MMP12: variants seen among roughly 807,000 people sequenced by gnomAD.
MMP12 encodes matrix metallopeptidase 12.
In MMP12, 51 loss-of-function variants were observed where a neutral mutation model predicts 45.2. The observed-to-expected ratio is 1.13, with a 90% CI of 0.90 to 1.42. The LOEUF is 1.42. MMP12 is among the 40% of genes most tolerant of loss of function. The probability of loss-of-function intolerance (pLI) is 0.00; values close to 1 mark genes in which losing one functional copy is unlikely to be tolerated. For missense variants in MMP12, 530 were observed against 570.8 expected (o/e 0.93, Z 0.73); for synonymous variants, 210 against 193.3 (o/e 1.09, Z -0.72).
chr11:102,868,367 C>T (rs1312510802), intron 4 of MMP12, among the ~76,000 whole-genome samples: 1 of 152,060 alleles, frequency 6.6e-6, no homozygotes, highest in Non-Finnish European at 1.5e-5. Flanking sequence ...TCCTTGGGGA[C>T]AAAATTGCCT....
At chr11:102,874,743 A>G (rs1292475575) in intron 1 of MMP12, 93 bp downstream of exon 1, 15 of 471,792 alleles carry the variant, frequency 3.2e-5, no homozygotes, top group South Asian at 9.3e-5. Flanking sequence ...GTAAAAGCAA[A>G]CAAACAAACA....
At chr11:102,872,362 AT>A (rs1650830002) in intron 2 of MMP12, among the ~76,000 whole-genome samples, 1 of 150,462 alleles carries the variant, frequency 6.6e-6, no homozygotes, top group African/African-American at 2.5e-5. Context: ...TTTTTTTGAG[AT>A]GGAGTCTCAC....
At chr11:102,869,815 A>G (rs1356012117) in intron 4 of MMP12, among the ~76,000 whole-genome samples, 1 of 151,856 alleles carries the variant, frequency 6.6e-6, no homozygotes, top group Non-Finnish European at 1.5e-5. Context: ...GTTAGTCAGG[A>G]GGCTGAAGTA....
chr11:102,873,863 T>C (rs1859546118), intron 1 of MMP12, among the ~76,000 whole-genome samples: 1 of 151,150 alleles, frequency 6.6e-6, no homozygotes. Flanking sequence ...ACCCTGTCTC[T>C]ACTAAAAATA....
rs1375845104 is a variant in MMP12 at position 102,863,150 on chromosome 11, GTAGGAA to G, written c.1357_1362del (p.Phe453_Leu454del). The G allele has an allele frequency of 6.2e-7, 1 of 1,611,732 alleles. No individual in the cohort carries two copies. Among genetic ancestry groups the G allele is most frequent in the Non-Finnish European group, 8.5e-7 (1 of 1,178,824 alleles). ...TTCAGTGTTTTGGTGATACGTTGGA[GTAGGAA>G]GTCATATTCAAATTGGTTAGATCCT... is the stretch of plus-strand genomic sequence containing the variant. On this transcript the variant is annotated inframe_deletion, in exon 10 of 10. Coordinates refer to ENST00000571244, the MANE Select transcript of MMP12 (RefSeq NM_002426.6).
rs2134424591 is a variant in MMP12 at position 102,872,961 on chromosome 11, T to G, written c.254A>C (p.Glu85Ala). 1 of 1,613,738 alleles carries G rather than the reference T, an allele frequency of 6.2e-7. No individual in the cohort carries two copies. The highest frequency in any genetic ancestry group is 8.5e-7 in the Non-Finnish European group (1 of 1,179,792). Residue 85 changes from glutamate (E) to alanine (A), a missense_variant, in exon 2 of 10, where the codon GAG becomes GCG. Coordinates refer to ENST00000571244, the MANE Select transcript of MMP12 (RefSeq NM_002426.6). ...TCCACATCGAGGTGCGTGCATCATCTCCAGGGTAGATGTGTCCAGTTGCCC... is the reference window on the plus strand; with the variant it reads ...TCCACATCGAGGTGCGTGCATCATCGCCAGGGTAGATGTGTCCAGTTGCCC... ...VTGQLDTSTL[E>A]MMHAPRCGVP...
chr11:102,874,050 A>C (rs537254361), intron 1 of MMP12, among the ~76,000 whole-genome samples: 48 of 151,910 alleles, frequency 3.2e-4, no homozygotes, highest in Non-Finnish European at 5.6e-4. Context: ...AAAAAAGAAA[A>C]AGAAAAGAAA....
At position 102,871,663 on chromosome 11, in the gene MMP12, C is replaced by A. The variant is rs1555009357; in HGVS notation, c.556G>T (p.Gly186Ter). The A allele has an allele frequency of 6.3e-7, 1 of 1,595,266 alleles. No individual in the cohort carries two copies. Among genetic ancestry groups the A allele is most frequent in the South Asian group, 1.1e-5 (1 of 87,874 alleles). Residue 186 changes from glycine to a stop codon, truncating the protein, a stop_gained, in exon 4 of 10, where the codon GGA becomes TGA. Transcript: ENST00000571244. LOFTEE classifies it high-confidence loss of function. The part of the protein sequence containing the change: ...GKGGILAHAF[G>*]PGSGIGGDAH... ...TCCCCTCCAATGCCAGATCCAGGTC[C>A]AAAAGCATGGGCTAGGATTCCACCT...
rs200322802 is a variant in MMP12 at position 102,867,866 on chromosome 11, C to T, written c.787+42G>A. On this transcript the variant is annotated intron_variant, in intron 5 of 9. Transcript: ENST00000571244. ...GATATTGTTAGACTATTCATAAAAG[C>T]GAGTATCTTTATATGGCAAAATGAT... 65 of 1,556,930 alleles carry T rather than the reference C, an allele frequency of 4.2e-5. No homozygotes were observed. The African/African-American group carries it at 4.5e-4, about 11-fold the overall frequency.
intron 5 of MMP12, 127 bp from the exon 6 acceptor site, chr11:102,867,520 T>C (rs1341102997): frequency 2.0e-6 from 2 of 988,168 alleles, no homozygotes; most frequent in Non-Finnish European, 2.9e-6. Context: ...AAGCTTTCTA[T>C]AACATTCACA....
Position 102,874,938 on chromosome 11 carries a change from TGTA to T in MMP12, c.-4_-2del. ...GGAGCAGTATTAGAAGAAACTTCAT[TGTA>T]AACTTCTAAACGGATCAATTCAGTT... On this transcript the variant is annotated 5_prime_UTR_variant, in exon 1 of 10. Transcript: ENST00000571244. 3 of 1,572,672 alleles carry T rather than the reference TGTA, an allele frequency of 1.9e-6. No individual in the cohort carries two copies. The East Asian group carries it at 6.8e-5, about 36-fold the overall frequency.
In MMP12 at chr11:102,871,806, C is replaced by T. The variant is rs782356447; in HGVS notation, c.497G>A (p.Gly166Glu). Residue 166 changes from glycine (G) to glutamate (E), a missense_variant and splice_region_variant, in exon 3 of 10, where the codon GGA (glycine) becomes GAA (glutamate). Coordinates refer to ENST00000571244, the MANE Select transcript of MMP12 (RefSeq NM_002426.6). ...MADILVVFAR[G>E]AHGDFHAFDG... Reference sequence around the variant, plus strand: ...AAGATGAAATACAAGTTCCCTACCTCCACGGGCAAAAACCACCAAAATGTC... The same window carrying T: ...AAGATGAAATACAAGTTCCCTACCTTCACGGGCAAAAACCACCAAAATGTC... The T allele has an allele frequency of 6.2e-7, 1 of 1,613,142 alleles. No individual in the cohort carries two copies. The highest frequency in any genetic ancestry group is 8.5e-7 in the Non-Finnish European group (1 of 1,179,510).
At chr11:102,870,609 A>G (rs1170631479) in intron 4 of MMP12, among the ~76,000 whole-genome samples, 2 of 152,184 alleles carry the variant, frequency 1.3e-5, no homozygotes, top group Non-Finnish European at 2.9e-5. Context: ...TTCTGTCATG[A>G]TGGTTAGGGT....
In MMP12 at chr11:102,865,960, A is replaced by C. The variant is rs1555008473; in HGVS notation, c.1046-25T>G. On this transcript the variant is annotated intron_variant, in intron 7 of 9. Transcript: ENST00000571244. This position sits in a 1 kb window ranked among gnomAD's most constrained non-coding sequence, Gnocchi z 4.1. ...TCTGTGAAGACAAAGAAATAGGGTA[A>C]ATTTGAATTATACAGGAAGAGTAAT... The C allele has an allele frequency of 6.4e-7, 1 of 1,555,706 alleles. No homozygotes were observed. The highest frequency in any genetic ancestry group is 1.4e-5 in the African/African-American group (1 of 73,022).
intron 9 of MMP12, 67 bp from the exon 10 acceptor site, chr11:102,863,267 C>CA: frequency 1.1e-6 from 1 of 908,152 alleles, no homozygotes; most frequent in Non-Finnish European, 1.8e-6. Context: ...ACAACAACAA[C>CA]ACAAATCTCT....
intron 4 of MMP12, among the ~76,000 whole-genome samples, chr11:102,870,831 G>A (rs944205079): frequency 6.6e-5 from 10 of 152,182 alleles, no homozygotes; most frequent in Non-Finnish European, 1.3e-4. Flanking sequence ...TAGATTCTCT[G>A]TAACTTTTTC....
At chr11:102,866,066 G>C in intron 7 of MMP12, 131 bp from the exon 8 acceptor site, 1 of 878,124 alleles carries the variant, frequency 1.1e-6, no homozygotes, top group Non-Finnish European at 1.7e-6. Flanking sequence ...CTTAAACATA[G>C]TCTCTTTTCT....
At position 102,866,211 on chromosome 11, in the gene MMP12, A is replaced by G. The variant is rs74556363; in HGVS notation, c.1045+104T>C. 1.6e-3 allele frequency: 1,835 copies of G among 1,182,180 alleles called. 28 individuals carry two copies. The African/African-American group carries it at 0.025, about 16-fold the overall frequency. The allele number at this position is 1,182,180 out of a possible 1,614,324, so 73.2% of individuals were successfully genotyped here. The stretch of plus-strand genomic sequence containing the variant: ...AGAGCGAGCCACTATTAATAAAATC[A>G]AGAGTGCTTTCTTGGTCTATATCTA... On this transcript the variant is annotated intron_variant, in intron 7 of 9. Coordinates refer to ENST00000571244, the MANE Select transcript of MMP12 (RefSeq NM_002426.6).
In MMP12 at chr11:102,864,116, A is replaced by G. The variant is rs200324342; in HGVS notation, c.1312+30T>C. 4 of 1,422,188 alleles carry G rather than the reference A, an allele frequency of 2.8e-6. No individual in the cohort carries two copies. In the South Asian group the frequency reaches 4.6e-5, roughly 16 times the overall value. 88.1% of individuals were successfully genotyped at this position (1,422,188 alleles called of 1,614,324 possible). A position where few individuals can be genotyped will look rare whatever the true frequency, so the allele number is the denominator to read the frequency against. On this transcript the variant is annotated intron_variant, in intron 9 of 9. Coordinates refer to ENST00000571244, the MANE Select transcript of MMP12 (RefSeq NM_002426.6). ...TTTATAGCTTTGAAATGTTATTTCCAGTATCTTCATGGTTTCCTCATCTAC... is the reference window on the plus strand; with the variant it reads ...TTTATAGCTTTGAAATGTTATTTCCGGTATCTTCATGGTTTCCTCATCTAC...
Sources: gnomAD v4.1 joint callset for allele counts (sites outside exome capture counted in the v4.1 genomes callset) on GRCh38, gnomAD v4.1.1 for gene constraint, Gnocchi (gnomAD v3.1) non-coding constraint, MANE v1.5 for transcripts, NCBI Gene and HGNC (gene_info 2026-07-23, HGNC 2026-07-21) for gene names.